The following TIAM2 variants were observed in gnomAD, a reference collection of about 807,000 sequenced individuals.
TIAM2 encodes the protein rho guanine nucleotide exchange factor TIAM2.
TIAM2 carries 80 observed loss-of-function variants against 152.9 expected under a neutral mutation model. The ratio of observed to expected loss-of-function variants is 0.52; its 90% CI spans 0.44 to 0.63. The LOEUF is 0.63. TIAM2 is among the 30% of genes least tolerant of loss of function. The pLI, the probability that TIAM2 is intolerant of heterozygous loss-of-function variation, is 0.00. For synonymous variants in TIAM2, 804 were observed against 838.0 expected, an observed-to-expected ratio of 0.96 and a Z score of 0.70; for missense variants, 1,965 against 2,120.1, an observed-to-expected ratio of 0.93 and a Z score of 1.44.
chr6:155,211,198 A>T lies in TIAM2; in HGVS notation c.3065-6A>T. On this transcript the variant is annotated splice_polypyrimidine_tract_variant and splice_region_variant and intron_variant, in intron 14 of 26. Coordinates refer to ENST00000682666, the MANE Select transcript of TIAM2 (RefSeq NM_012454.4). ...CTCATATATGTTTTTGTCATTTTTTATGCAGATTTCAGCAACGTCCCTGAT... is the reference window on the plus strand; with the variant it reads ...CTCATATATGTTTTTGTCATTTTTTTTGCAGATTTCAGCAACGTCCCTGAT... The T allele has an allele frequency of 1.9e-6, 3 of 1,611,862 alleles. No individual in the cohort carries two copies. Among genetic ancestry groups the T allele is most frequent in the Non-Finnish European group, 2.5e-6 (3 of 1,178,428 alleles).
intron 2 of TIAM2, among the ~76,000 whole-genome samples, chr6:155,115,377 C>G (rs1456457748): frequency 6.6e-6 from 1 of 151,936 alleles, no homozygotes; most frequent in African/African-American, 2.4e-5. Context: ...GGTGTGGTGG[C>G]TCACACTTAT....
intron 1 of TIAM2, among the ~76,000 whole-genome samples, chr6:155,067,416 T>C (rs933055125): frequency 7.2e-5 from 11 of 152,322 alleles, no homozygotes; most frequent in Admixed American, 2.6e-4. Context: ...TCCTTTGATA[T>C]TTAAATAAAA....
intron 1 of TIAM2, among the ~76,000 whole-genome samples, chr6:155,037,270 A>G (rs1251030446): frequency 6.6e-6 from 1 of 152,208 alleles, no homozygotes; most frequent in Non-Finnish European, 1.5e-5. Flanking sequence ...GGCTTCAATG[A>G]CATAAAGAAG....
intron 7 of TIAM2, among the ~76,000 whole-genome samples, chr6:155,152,018 A>G (rs913113834): frequency 4.0e-5 from 6 of 151,448 alleles, no homozygotes; most frequent in Non-Finnish European, 7.4e-5. Flanking sequence ...CTAATTTTGT[A>G]TTTTTAATAG....
At chr6:155,247,858 C>G in intron 19 of TIAM2, 142 bp from the exon 20 acceptor site, 2 of 1,064,058 alleles carry the variant, frequency 1.9e-6, no homozygotes, top group Non-Finnish European at 2.7e-6. Flanking sequence ...GGTGCCTGAC[C>G]CACTGATGTG....
intron 2 of TIAM2, among the ~76,000 whole-genome samples, chr6:155,094,169 T>C (rs1200632638): frequency 6.6e-6 from 1 of 152,216 alleles, no homozygotes; most frequent in Non-Finnish European, 1.5e-5. Flanking sequence ...CATTGGGTTC[T>C]ACCTTCTCAG....
At chr6:155,024,075 G>C (rs1035026925) in intron 1 of TIAM2, among the ~76,000 whole-genome samples, 1 of 152,144 alleles carries the variant, frequency 6.6e-6, no homozygotes, top group Non-Finnish European at 1.5e-5. Context: ...CTTAGAGAGG[G>C]TGGGTGAGGA....
chr6:155,090,207 G>C (rs1343737944), intron 1 of TIAM2, 82 bp from the exon 2 acceptor site: 1 of 152,156 alleles, frequency 6.6e-6, no homozygotes, highest in Non-Finnish European at 1.5e-5. Flanking sequence ...ACAGAATGCT[G>C]AGAAACTGAG....
At chr6:155,144,514 G>C in intron 5 of TIAM2, 92 bp from the exon 6 acceptor site, 3 of 1,245,386 alleles carry the variant, frequency 2.4e-6, no homozygotes, top group Non-Finnish European at 3.2e-6. Context: ...TCTCACTCAG[G>C]TGTTTTTAAA....
chr6:155,119,013 C>T (rs1011350640), intron 2 of TIAM2, among the ~76,000 whole-genome samples: 3 of 150,430 alleles, frequency 2.0e-5, no homozygotes, highest in Non-Finnish European at 4.4e-5. Flanking sequence ...TGGACAATGA[C>T]TTCCCTTCCC....
chr6:155,170,279 C>A (rs1317659799), intron 9 of TIAM2, among the ~76,000 whole-genome samples: 1 of 116,122 alleles, frequency 8.6e-6, no homozygotes, highest in African/African-American at 3.5e-5. Flanking sequence ...AATAAAGGCC[C>A]ATAATTTTAG....
chr6:155,162,301 A>C (rs1229713131), intron 7 of TIAM2, among the ~76,000 whole-genome samples: 2 of 152,156 alleles, frequency 1.3e-5, no homozygotes, highest in Admixed American at 1.3e-4. Flanking sequence ...CCCTCCATAC[A>C]ACCTTCAGAA....
At chr6:155,017,531 GTC>G (rs1778613372) in intron 1 of TIAM2, among the ~76,000 whole-genome samples, 1 of 146,116 alleles carries the variant, frequency 6.8e-6, no homozygotes, top group Non-Finnish European at 1.5e-5. Flanking sequence ...TTGAGATGGA[GTC>G]TCACTCTGTC....
chr6:155,006,325 T>A (rs1006100334), intron 1 of TIAM2, among the ~76,000 whole-genome samples: 1 of 151,962 alleles, frequency 6.6e-6, no homozygotes, highest in Non-Finnish European at 1.5e-5. Context: ...ACATAAGTCC[T>A]GTGGCAGAGC....
intron 15 of TIAM2, 75 bp from the exon 16 acceptor site, chr6:155,240,455 T>C (rs1179916227): frequency 4.0e-5 from 59 of 1,479,302 alleles, no homozygotes; most frequent in Non-Finnish European, 4.9e-5. Context: ...ACGGAGACAC[T>C]TGGTGCCCTT....
chr6:155,052,545 C>G (rs534001423), intron 1 of TIAM2, among the ~76,000 whole-genome samples: 2 of 152,118 alleles, frequency 1.3e-5, no homozygotes, highest in East Asian at 3.9e-4. Context: ...GCAGGCTGAT[C>G]ATTTGCGGTC....
intron 15 of TIAM2, among the ~76,000 whole-genome samples, chr6:155,211,874 A>G (rs188768771): frequency 1.3e-5 from 2 of 151,836 alleles, no homozygotes; most frequent in African/African-American, 4.8e-5. Flanking sequence ...ATAACTCTCT[A>G]TTTCCCCTGC....
chr6:155,107,390 C>T (rs1350225899), intron 2 of TIAM2, among the ~76,000 whole-genome samples: 2 of 152,208 alleles, frequency 1.3e-5, no homozygotes, highest in Non-Finnish European at 2.9e-5. Flanking sequence ...TGATTTATTG[C>T]AGTTGCCTGC....
intron 1 of TIAM2, among the ~76,000 whole-genome samples, chr6:155,057,132 G>C (rs1482326877): frequency 4.9e-5 from 7 of 143,288 alleles, no homozygotes; most frequent in Admixed American, 2.2e-4. Context: ...AGGTTCAAGC[G>C]ACCCTCTTAA....
Sources: gnomAD v4.1 joint callset for allele counts (sites outside exome capture counted in the v4.1 genomes callset) on GRCh38, gnomAD v4.1.1 for gene constraint, MANE v1.5 for transcripts, NCBI Gene and HGNC (gene_info 2026-07-23, HGNC 2026-07-21) for gene names.